The following NELL1 variants were observed in gnomAD, a reference collection of about 807,000 sequenced individuals.
NELL1 encodes protein kinase C-binding protein NELL1.
A neutral mutation model predicts 107.4 loss-of-function variants in NELL1; 76 were observed. The ratio of observed to expected loss-of-function variants is 0.71; its 90% CI spans 0.59 to 0.86. The LOEUF is 0.86. Among genes scored for constraint, NELL1 ranks in the 40% least tolerant of loss-of-function variants. The probability of loss-of-function intolerance (pLI) is 0.00; values close to 1 mark genes in which losing one functional copy is unlikely to be tolerated. For synonymous variants in NELL1, 353 were observed against 341.2 expected (o/e 1.03, Z -0.38); for missense variants, 1,024 against 1,005.5 (o/e 1.02, Z -0.25).
At chr11:20,715,785 G>C (rs950566505) in intron 2 of NELL1, among the ~76,000 whole-genome samples, 2 of 152,180 alleles carry the variant, frequency 1.3e-5, no homozygotes, top group Admixed American at 1.3e-4. Context: ...CTTTTTGTCT[G>C]CTTAAAGAGA....
At chr11:21,179,947 T>G (rs1856794725) in intron 13 of NELL1, among the ~76,000 whole-genome samples, 1 of 126,374 alleles carries the variant, frequency 7.9e-6, no homozygotes, top group African/African-American at 3.0e-5. Flanking sequence ...GGGTAGCAAC[T>G]ACTCAAGTGT....
Position 21,315,334 on chromosome 11 carries a change from G to A in NELL1, c.1550-55519G>A, listed in dbSNP as rs143997253. ...ATTGGAACCAGAATCTATGCTCCTAGCTACATGATCTTGCTTAGTTCAGTG... is the reference window on the plus strand; with the variant it reads ...ATTGGAACCAGAATCTATGCTCCTAACTACATGATCTTGCTTAGTTCAGTG... On this transcript the variant is annotated intron_variant, in intron 14 of 19. Transcript: ENST00000357134. Among the ~76,000 whole-genome samples the A allele has an allele frequency of 2.6e-5, 4 of 152,284 alleles. No individual in the cohort carries two copies. In the East Asian group the frequency reaches 7.7e-4, roughly 29 times the overall value.
intron 14 of NELL1, among the ~76,000 whole-genome samples, chr11:21,290,788 A>G (rs1483654118): frequency 6.6e-6 from 1 of 152,224 alleles, no homozygotes; most frequent in African/African-American, 2.4e-5. Context: ...AGAAAGGAAT[A>G]GCATCAACAT....
chr11:20,705,981 A>C (rs1247783313), intron 2 of NELL1, among the ~76,000 whole-genome samples: 1 of 152,208 alleles, frequency 6.6e-6, no homozygotes, highest in African/African-American at 2.4e-5. Flanking sequence ...GTCTCACACC[A>C]GTTAGAATGG....
At chr11:21,108,301 G>A (rs573694238) in intron 12 of NELL1, among the ~76,000 whole-genome samples, 1 of 152,226 alleles carries the variant, frequency 6.6e-6, no homozygotes, top group East Asian at 1.9e-4. Flanking sequence ...CCAAATTTGA[G>A]TCTGTGTTTG....
chr11:21,481,266 G>A (rs1034728375), intron 15 of NELL1, among the ~76,000 whole-genome samples: 1 of 152,070 alleles, frequency 6.6e-6, no homozygotes, highest in Non-Finnish European at 1.5e-5. Flanking sequence ...CTTCATAAAG[G>A]GCTCATAAAA....
At chr11:21,148,515 T>C (rs1856037743) in intron 13 of NELL1, among the ~76,000 whole-genome samples, 1 of 152,202 alleles carries the variant, frequency 6.6e-6, no homozygotes, top group South Asian at 2.1e-4. Flanking sequence ...CTGCCTCTGC[T>C]TTTGGTGGAT....
chr11:20,678,096 T>A, intron 2 of NELL1, 36 bp downstream of exon 2: 1 of 1,612,732 alleles, frequency 6.2e-7, no homozygotes, highest in South Asian at 1.1e-5. Flanking sequence ...GTGGCAGAGG[T>A]TGGGGAGGAG....
At chr11:21,257,154 G>A (rs1001345136) in intron 14 of NELL1, among the ~76,000 whole-genome samples, 5 of 151,912 alleles carry the variant, frequency 3.3e-5, no homozygotes, top group African/African-American at 4.8e-5. Context: ...GGGGAGGGAC[G>A]AACAGTGTCA....
chr11:21,505,711 T>C (rs1168509152), intron 15 of NELL1, among the ~76,000 whole-genome samples: 1 of 152,198 alleles, frequency 6.6e-6, no homozygotes, highest in Non-Finnish European at 1.5e-5. Context: ...TTTCCTTAAT[T>C]CTCATCTTTA....
intron 14 of NELL1, among the ~76,000 whole-genome samples, chr11:21,273,416 T>C (rs1374471223): frequency 6.6e-6 from 1 of 152,134 alleles, no homozygotes; most frequent in Non-Finnish European, 1.5e-5. Context: ...AAAGACCAAA[T>C]CTACGTCTGA....
At chr11:20,961,346 C>T (rs985845992) in intron 12 of NELL1, among the ~76,000 whole-genome samples, 3 of 152,164 alleles carry the variant, frequency 2.0e-5, no homozygotes, top group Non-Finnish European at 2.9e-5. Flanking sequence ...CCAACGTGCT[C>T]ATGGCTCCCT....
chr11:20,774,012 C>T (rs926355408), intron 2 of NELL1, among the ~76,000 whole-genome samples: 5 of 148,766 alleles, frequency 3.4e-5, no homozygotes, highest in Non-Finnish European at 6.0e-5. Flanking sequence ...TCCTTCCCTC[C>T]GTTCCTTTTT....
chr11:21,454,189 T>C (rs1175574145), intron 15 of NELL1, among the ~76,000 whole-genome samples: 2 of 147,972 alleles, frequency 1.4e-5, no homozygotes, highest in Non-Finnish European at 1.5e-5. Context: ...TTTGGTTTTT[T>C]GTTCTTGCGA....
At chr11:21,532,682 G>A (rs1470489308) in intron 15 of NELL1, among the ~76,000 whole-genome samples, 7 of 152,164 alleles carry the variant, frequency 4.6e-5, no homozygotes, top group African/African-American at 1.7e-4. Flanking sequence ...GGAAATAAAT[G>A]TCAGAGGTAG....
chr11:21,478,614 C>T (rs928226781), intron 15 of NELL1, among the ~76,000 whole-genome samples: 1 of 151,654 alleles, frequency 6.6e-6, no homozygotes, highest in Non-Finnish European at 1.5e-5. Context: ...GGACTTTGGC[C>T]TGGGCAAAGA....
At chr11:21,318,368 A>G (rs1849926796) in intron 14 of NELL1, among the ~76,000 whole-genome samples, 1 of 152,222 alleles carries the variant, frequency 6.6e-6, no homozygotes. Flanking sequence ...AGTAATTTCC[A>G]GAAGTTGTGT....
At chr11:21,218,561 C>A (rs1365900972) in intron 13 of NELL1, among the ~76,000 whole-genome samples, 2 of 152,042 alleles carry the variant, frequency 1.3e-5, no homozygotes, top group Non-Finnish European at 2.9e-5. Flanking sequence ...ACCATAATTA[C>A]CCTACAGTGT....
At chr11:21,141,836 T>C (rs536336592) in intron 13 of NELL1, among the ~76,000 whole-genome samples, 8 of 152,056 alleles carry the variant, frequency 5.3e-5, no homozygotes, top group Non-Finnish European at 8.8e-5. Context: ...TGATCTCGGC[T>C]CACTGCAACC....
Sources: allele counts gnomAD v4.1 joint callset (sites outside exome capture counted in the v4.1 genomes callset), GRCh38; gene constraint gnomAD v4.1.1; transcripts MANE v1.5; gene names NCBI Gene and HGNC (gene_info 2026-07-23, HGNC 2026-07-21).